UBAC1: variants seen among roughly 807,000 people sequenced by gnomAD.
UBAC1 encodes ubiquitin-associated domain-containing protein 1.
In UBAC1, 27 loss-of-function variants were observed where a neutral mutation model predicts 45.9. The ratio of observed to expected loss-of-function variants is 0.59; its 90% confidence interval spans 0.43 to 0.81. The LOEUF is 0.81. UBAC1 is among the 30% of genes least tolerant of loss of function. The pLI is 0.00. For synonymous variants in UBAC1, 227 were observed against 215.5 expected (o/e 1.05, Z -0.47); for missense variants, 529 against 539.2 (o/e 0.98, Z 0.19).
chr9:135,947,761 C>T (rs752473971), intron 4 of UBAC1, 37 bp downstream of exon 4: 19 of 1,570,134 alleles, frequency 1.2e-5, no homozygotes, highest in Middle Eastern at 1.7e-4. Flanking sequence ...CACACGGGGA[C>T]CCCATGCACC....
chr9:135,949,354 C>G (rs1454560093), intron 3 of UBAC1, among the ~76,000 whole-genome samples: 1 of 152,204 alleles, frequency 6.6e-6, no homozygotes, highest in African/African-American at 2.4e-5. Context: ...AAAACCAATT[C>G]AGAACATTTT....
intron 1 of UBAC1, among the ~76,000 whole-genome samples, chr9:135,958,513 CCTT>C (rs1162801792): frequency 1.3e-5 from 2 of 152,172 alleles, no homozygotes; most frequent in East Asian, 1.9e-4. Context: ...TAAAACCCCT[CCTT>C]GATTCAGGAG....
intron 9 of UBAC1, among the ~76,000 whole-genome samples, chr9:135,936,522 G>A (rs1439446405): frequency 6.7e-6 from 1 of 148,888 alleles, no homozygotes; most frequent in Non-Finnish European, 1.5e-5. Context: ...TTGAGGTGGA[G>A]TCTTGCTCTG....
chr9:135,961,053 T>C lies in UBAC1; in HGVS notation c.110A>G (p.Glu37Gly). 6.3e-7 allele frequency: 1 copy of C among 1,576,154 alleles called. No individual in the cohort carries two copies. The highest frequency in any genetic ancestry group is 8.6e-7 in the Non-Finnish European group (1 of 1,166,862). The change falls in exon 1 of 10, where the codon GAG (glutamate) becomes GGG (glycine). Residue 37 changes from glutamate (E) to glycine (G), a missense_variant. Glu to Gly is a moderately conservative substitution (Grantham distance 98). Coordinates refer to ENST00000371756, the MANE Select transcript of UBAC1 (RefSeq NM_016172.3). ...CTTGAGGCAGCGCTCCTTGAGCTTC[T>C]CCACCGAGGTGTCCTCGGTGGCCTC... ...LEEATEDTSV[E>G]KLKERCLKHC...
At chr9:135,947,770 CCCG>C in intron 4 of UBAC1, 25 bp downstream of exon 4, 2 of 1,594,882 alleles carry the variant, frequency 1.3e-6, no homozygotes, top group Non-Finnish European at 8.6e-7. Context: ...ACCCCATGCA[CCCG>C]CCGCCGCTCT....
At chr9:135,944,974 A>C in intron 7 of UBAC1, 54 bp downstream of exon 7, 1 of 1,529,740 alleles carries the variant, frequency 6.5e-7, no homozygotes, top group Non-Finnish European at 8.9e-7. Flanking sequence ...CCATGGCGCC[A>C]CCTCAAGGGA....
At chr9:135,955,438 A>T (rs756300826) in intron 1 of UBAC1, 23 bp from the exon 2 acceptor site, 1 of 1,513,148 alleles carries the variant, frequency 6.6e-7, no homozygotes, top group Admixed American at 2.4e-5. Context: ...AGAAATTTCA[A>T]GGTAGAAAAT....
intron 5 of UBAC1, 107 bp from the exon 6 acceptor site, chr9:135,946,104 C>T (rs1319930203): frequency 1.7e-6 from 2 of 1,185,270 alleles, no homozygotes; most frequent in Non-Finnish European, 2.5e-6. Flanking sequence ...CCTGCCCGCC[C>T]TCAGGCACAT....
Position 135,933,435 on chromosome 9 carries a change from T to C in UBAC1, c.1183A>G (p.Ile395Val), listed in dbSNP as rs1839168760. The C allele has an allele frequency of 6.2e-7, 1 of 1,614,028 alleles. No individual in the cohort carries two copies. The highest frequency in any genetic ancestry group is 1.1e-5 in the South Asian group (1 of 91,086). The change falls in exon 10 of 10, where the codon ATC becomes GTC. Residue 395 changes from isoleucine (I) to valine (V), a missense_variant. Transcript: ENST00000371756. ...DPETGPVMLQISRIFQTLNRT is the reference protein window; with the variant it reads ...DPETGPVMLQVSRIFQTLNRT ...TTTAGTGTCTGGAAGATTCTAGAGA[T>C]CTGCAGCATGACAGGCCCCGTTTCT...
In UBAC1 at chr9:135,961,102, A is replaced by T. The variant is rs773583551; in HGVS notation, c.61T>A (p.Ser21Thr). The T allele has an allele frequency of 3.1e-6, 5 of 1,590,318 alleles. No homozygotes were observed. Among genetic ancestry groups the T allele is most frequent in the Non-Finnish European group, 4.3e-6 (5 of 1,173,234 alleles). Reference protein sequence around the residue: ...GKVLRLHICASDGAEWLEEAT... With the variant: ...GKVLRLHICATDGAEWLEEAT... The stretch of plus-strand genomic sequence containing the variant: ...TCCTCCAGCCACTCGGCGCCGTCGG[A>T]CGCGCAGATGTGCAGCCGCAGCACC... Residue 21 changes from serine to threonine, a missense_variant, in exon 1 of 10, where the codon TCC becomes ACC. Physicochemically the swap from Ser to Thr is moderately conservative, Grantham distance 58 (BLOSUM62 1). Coordinates refer to ENST00000371756, the MANE Select transcript of UBAC1 (RefSeq NM_016172.3).
intron 9 of UBAC1, among the ~76,000 whole-genome samples, chr9:135,934,471 T>A (rs1250143100): frequency 6.6e-6 from 1 of 152,164 alleles, no homozygotes. Flanking sequence ...CCATCCTGGC[T>A]AATACGGTAA....
At chr9:135,939,794 C>A in intron 7 of UBAC1, 35 bp from the exon 8 acceptor site, 1 of 1,587,022 alleles carries the variant, frequency 6.3e-7, no homozygotes, top group Non-Finnish European at 8.6e-7. Flanking sequence ...TCGCTGGGGG[C>A]GGCAGGAGGC....
At chr9:135,943,133 C>T (rs1380328121) in intron 7 of UBAC1, among the ~76,000 whole-genome samples, 2 of 152,186 alleles carry the variant, frequency 1.3e-5, no homozygotes, top group African/African-American at 2.4e-5. Flanking sequence ...CAAAAGAAGA[C>T]AGTTGGCCGG....
chr9:135,958,846 G>A (rs1007284982), intron 1 of UBAC1, among the ~76,000 whole-genome samples: 7 of 152,166 alleles, frequency 4.6e-5, no homozygotes, highest in Non-Finnish European at 1.0e-4. Context: ...AATGTATGTC[G>A]GCTCTTGCGG....
At chr9:135,957,356 T>C (rs1415442570) in intron 1 of UBAC1, among the ~76,000 whole-genome samples, 1 of 152,126 alleles carries the variant, frequency 6.6e-6, no homozygotes, top group Admixed American at 6.6e-5. Flanking sequence ...TTCCTCATGA[T>C]CCTAAAGTTT....
At chr9:135,933,685 T>A (rs1312207120) in intron 9 of UBAC1, among the ~76,000 whole-genome samples, 170 bp from the exon 10 acceptor site, 2 of 152,048 alleles carry the variant, frequency 1.3e-5, no homozygotes, top group African/African-American at 4.8e-5. Context: ...CCCACCCAAC[T>A]CCATCGGATG....
intron 8 of UBAC1, 64 bp downstream of exon 8, chr9:135,939,609 C>T (rs1839244681): frequency 6.5e-7 from 1 of 1,527,702 alleles, no homozygotes; most frequent in South Asian, 1.2e-5. Flanking sequence ...CCACAGCCCA[C>T]ACTTACCACA....
intron 3 of UBAC1, among the ~76,000 whole-genome samples, chr9:135,950,262 C>T (rs1004390123): frequency 1.3e-5 from 2 of 152,186 alleles, no homozygotes; most frequent in Non-Finnish European, 2.9e-5. Flanking sequence ...ACATGTGTGG[C>T]GATTTGTTAG....
chr9:135,954,670 A>G (rs1417717111), intron 2 of UBAC1, among the ~76,000 whole-genome samples: 2 of 152,204 alleles, frequency 1.3e-5, no homozygotes, highest in African/African-American at 4.8e-5. Flanking sequence ...CAGTTCTGAA[A>G]AAGTCTGTGA....
Sources: allele counts gnomAD v4.1 joint callset (sites outside exome capture counted in the v4.1 genomes callset), GRCh38; gene constraint gnomAD v4.1.1; transcripts MANE v1.5; gene names NCBI Gene and HGNC (gene_info 2026-07-23, HGNC 2026-07-21).